Variants in SGCZ observed in about 807,000 individuals in gnomAD.
SGCZ encodes sarcoglycan zeta, also known as zeta-sarcoglycan.
A neutral mutation model predicts 41.3 loss-of-function variants in SGCZ; 40 were observed. That is an observed-to-expected ratio of 0.97 (90% CI 0.75 to 1.26). The LOEUF (loss-of-function observed/expected upper bound fraction) is 1.26, where lower values mean the gene tolerates loss of function less well. Ranked by LOEUF, SGCZ falls within the 50% of genes most tolerant of loss-of-function variation. SGCZ has a pLI of 0.00. For synonymous variants in SGCZ, 206 were observed against 137.5 expected, an observed-to-expected ratio of 1.50 and a Z score of -3.49; for missense variants, 552 against 369.8, an observed-to-expected ratio of 1.49 and a Z score of -4.04.
At chr8:14,886,139 T>G (rs1201829033) in intron 1 of SGCZ, among the ~76,000 whole-genome samples, 2 of 150,846 alleles carry the variant, frequency 1.3e-5, no homozygotes, top group African/African-American at 4.9e-5. Context: ...TCATATATTT[T>G]TAAGCCAGAC....
chr8:14,484,706 A>G (rs1463519155), intron 2 of SGCZ, among the ~76,000 whole-genome samples: 1 of 152,156 alleles, frequency 6.6e-6, no homozygotes. Context: ...TATTGTTTGA[A>G]TCAATTTTAA....
chr8:14,812,776 T>A (rs1053034465), intron 1 of SGCZ, among the ~76,000 whole-genome samples: 2 of 152,206 alleles, frequency 1.3e-5, no homozygotes, highest in Non-Finnish European at 1.5e-5. Flanking sequence ...AGTGCTTTTA[T>A]AGTTATTGCT....
At chr8:14,128,099 G>C (rs184877634) in intron 5 of SGCZ, among the ~76,000 whole-genome samples, 1 of 152,138 alleles carries the variant, frequency 6.6e-6, no homozygotes, top group Non-Finnish European at 1.5e-5. Flanking sequence ...AGATTCTGGC[G>C]AGGTTGTGGA....
At position 15,072,274 on chromosome 8, in the gene SGCZ, A is replaced by G. The variant is rs959693724; in HGVS notation, c.39+165311T>C. ...CAAAACTCCTTCATGCAGAACTCACATCTTGTCAAGGTGGACGTAAGTCTT... is the reference window on the plus strand; with the variant it reads ...CAAAACTCCTTCATGCAGAACTCACGTCTTGTCAAGGTGGACGTAAGTCTT... On this transcript the variant is annotated intron_variant, in intron 1 of 7. Coordinates refer to ENST00000382080, the MANE Select transcript of SGCZ (RefSeq NM_139167.4). Among the ~76,000 whole-genome samples the G allele has an allele frequency of 7.9e-5, 12 of 152,040 alleles. No homozygotes were observed. In the East Asian group the frequency reaches 2.1e-3, roughly 27 times the overall value.
intron 1 of SGCZ, among the ~76,000 whole-genome samples, chr8:14,761,756 C>T (rs1799887524): frequency 6.6e-6 from 1 of 152,010 alleles, no homozygotes; most frequent in Admixed American, 6.6e-5. Context: ...AACTCCTGAA[C>T]TCAAGTGATC....
At chr8:14,226,235 C>T (rs552903868) in intron 4 of SGCZ, among the ~76,000 whole-genome samples, 1 of 152,078 alleles carries the variant, frequency 6.6e-6, no homozygotes, top group East Asian at 1.9e-4. Flanking sequence ...TTGGGAAAAA[C>T]TTAAAAAGTA....
chr8:14,645,670 T>C (rs1044057041), intron 1 of SGCZ, among the ~76,000 whole-genome samples: 1 of 151,086 alleles, frequency 6.6e-6, no homozygotes, highest in African/African-American at 2.4e-5. Context: ...CATACGCACC[T>C]TTTCATATTT....
intron 1 of SGCZ, among the ~76,000 whole-genome samples, chr8:14,906,817 G>A (rs1799132463): frequency 6.6e-6 from 1 of 152,098 alleles, no homozygotes; most frequent in African/African-American, 2.4e-5. Context: ...AAAAAGAACT[G>A]GGTTCTTATG....
intron 1 of SGCZ, among the ~76,000 whole-genome samples, chr8:14,784,913 A>AAAAAAATATATATATAT (rs1408574493): frequency 4.5e-5 from 4 of 88,038 alleles, no homozygotes; most frequent in African/African-American, 1.9e-4. Context: ...AAAAAAAAAA[A>AAAAAAATATATATATAT]ATATATATAT....
chr8:14,717,864 T>G (rs971648512), intron 1 of SGCZ, among the ~76,000 whole-genome samples: 1 of 152,048 alleles, frequency 6.6e-6, no homozygotes, highest in Admixed American at 6.6e-5. Flanking sequence ...AATTCTCCTA[T>G]AACTGTGATT....
intron 5 of SGCZ, among the ~76,000 whole-genome samples, chr8:14,148,945 C>T (rs1347888603): frequency 1.3e-5 from 2 of 152,018 alleles, no homozygotes; most frequent in Non-Finnish European, 2.9e-5. Context: ...CCACATGATC[C>T]TATCAATAGA....
chr8:14,720,681 C>A (rs1012893594), intron 1 of SGCZ, among the ~76,000 whole-genome samples: 1 of 152,030 alleles, frequency 6.6e-6, no homozygotes, highest in Non-Finnish European at 1.5e-5. Flanking sequence ...ATATTGTCTA[C>A]TTCTGCTTCC....
chr8:14,234,029 G>C (rs191284239), intron 4 of SGCZ, among the ~76,000 whole-genome samples: 4 of 151,964 alleles, frequency 2.6e-5, no homozygotes, highest in Admixed American at 2.0e-4. Context: ...ATGTTATGAA[G>C]GTCAAGAAAA....
intron 5 of SGCZ, among the ~76,000 whole-genome samples, chr8:14,108,965 T>G (rs932015409): frequency 1.3e-5 from 2 of 152,140 alleles, no homozygotes; most frequent in African/African-American, 4.8e-5. Context: ...TAATAGCAGG[T>G]CATGAATGAA....
chr8:14,295,431 C>G (rs1259029360), intron 3 of SGCZ, among the ~76,000 whole-genome samples: 1 of 152,096 alleles, frequency 6.6e-6, no homozygotes, highest in Non-Finnish European at 1.5e-5. Flanking sequence ...AATGTCAATA[C>G]AGAGTATAAT....
intron 1 of SGCZ, among the ~76,000 whole-genome samples, chr8:14,777,428 A>G (rs891444972): frequency 2.0e-5 from 3 of 152,208 alleles, no homozygotes; most frequent in Admixed American, 6.5e-5. Context: ...ATTAACGCAA[A>G]CGAACAAATT....
intron 1 of SGCZ, among the ~76,000 whole-genome samples, chr8:14,674,880 C>T (rs371530427): frequency 1.3e-4 from 19 of 150,408 alleles, no homozygotes; most frequent in African/African-American, 4.7e-4. Flanking sequence ...GAAGCAGATG[C>T]CATCATGCTT....
At chr8:14,852,733 G>T (rs1201498379) in intron 1 of SGCZ, among the ~76,000 whole-genome samples, 1 of 152,110 alleles carries the variant, frequency 6.6e-6, no homozygotes, top group Non-Finnish European at 1.5e-5. Context: ...TGTTGGAGCA[G>T]GACCATATTA....
chr8:14,694,636 A>G (rs958552056), intron 1 of SGCZ, among the ~76,000 whole-genome samples: 1 of 152,204 alleles, frequency 6.6e-6, no homozygotes, highest in African/African-American at 2.4e-5. Flanking sequence ...CTCATTTACA[A>G]TGAACACTCC....
Sources: gnomAD v4.1 joint callset for allele counts (sites outside exome capture counted in the v4.1 genomes callset) on GRCh38, gnomAD v4.1.1 for gene constraint, MANE v1.5 for transcripts, NCBI Gene and HGNC (gene_info 2026-07-23, HGNC 2026-07-21) for gene names.